WDFY3: variants seen among roughly 807,000 people sequenced by gnomAD.
WDFY3 encodes WD repeat and FYVE domain-containing protein 3.
WDFY3 carries 66 observed loss-of-function variants against 409.6 expected under a neutral mutation model. That is an observed-to-expected ratio of 0.16 (90% CI 0.13 to 0.20). The LOEUF (loss-of-function observed/expected upper bound fraction) is 0.20. Among genes scored for constraint, WDFY3 ranks in the 10% least tolerant of loss-of-function variants. WDFY3 has a pLI of 1.00. For missense variants in WDFY3, 3,031 were observed against 4,298.1 expected, an observed-to-expected ratio of 0.71 and a Z score of 8.24; for synonymous variants, 1,521 against 1,537.1, an observed-to-expected ratio of 0.99 and a Z score of 0.25.
rs150201875 is a variant in WDFY3 at position 84,752,504 on chromosome 4, G to A, written c.5740-788C>T. On this transcript the variant is annotated intron_variant, in intron 35 of 67. Transcript: ENST00000295888. ...ATCGTGCCACCATTGCACTCCAGCCGGGATGACAAGAGCGAAACCCCGTCT... is the reference window on the plus strand; with the variant it reads ...ATCGTGCCACCATTGCACTCCAGCCAGGATGACAAGAGCGAAACCCCGTCT... Among the ~76,000 whole-genome samples, 1,017 of 150,544 alleles carry A rather than the reference G, an allele frequency of 6.8e-3. 11 individuals are homozygous for A. Among genetic ancestry groups the A allele is most frequent in the African/African-American group, 0.023 (947 of 40,958 alleles).
chr4:84,846,556 T>C (rs764935103), intron 5 of WDFY3, among the ~76,000 whole-genome samples: 3 of 150,088 alleles, frequency 2.0e-5, no homozygotes, highest in Non-Finnish European at 3.0e-5. Flanking sequence ...TTTAAAAATA[T>C]AGTAACAGAG....
In WDFY3 at chr4:84,739,122, G is replaced by A; in HGVS notation, c.6465-3C>T. ...CCAGTCCAAATCCATCCACGTTGCT[G>A]AAAAATTCCAGTCAGTTTAAACTTT... On this transcript the variant is annotated splice_region_variant and splice_polypyrimidine_tract_variant and intron_variant, in intron 39 of 67. Transcript: ENST00000295888. 1 of 1,613,902 alleles carries A rather than the reference G, an allele frequency of 6.2e-7. No homozygotes were observed. The highest frequency in any genetic ancestry group is 1.1e-5 in the South Asian group (1 of 91,074).
chr4:84,715,535 G>C (rs1460266499), intron 49 of WDFY3, 152 bp from the exon 50 acceptor site: 1 of 477,942 alleles, frequency 2.1e-6, no homozygotes, highest in African/African-American at 2.0e-5. Context: ...AGCACTTTGG[G>C]AGGCCAAGGC....
In WDFY3 at chr4:84,726,799, C is replaced by A. The variant is rs528946059; in HGVS notation, c.7272+62G>T. ...GTCTACCATGCACTTAAAAAAAAAA[C>A]CAGAAAACAAAAAACAAAACTACAA... On this transcript the variant is annotated intron_variant, in intron 45 of 67. Coordinates refer to ENST00000295888, the MANE Select transcript of WDFY3 (RefSeq NM_014991.6). 867 of 1,429,750 alleles carry A rather than the reference C, an allele frequency of 6.1e-4. 2 individuals carry two copies. The African/African-American group carries it at 0.011, about 18-fold the overall frequency. 88.6% of individuals were successfully genotyped at this position (1,429,750 alleles called of 1,614,324 possible).
chr4:84,831,620 A>G lies in WDFY3; in HGVS notation c.577-15T>C, dbSNP rs779318465. ...TTCACTAAGATCTAAAAAATAAAAC[A>G]AAACAAAACAAGAGTGTATAAGCAA... On this transcript the variant is annotated splice_polypyrimidine_tract_variant and intron_variant, in intron 7 of 67. Coordinates refer to ENST00000295888, the MANE Select transcript of WDFY3 (RefSeq NM_014991.6). The G allele has an allele frequency of 1.8e-5, 28 of 1,595,128 alleles. No individual in the cohort carries two copies. The highest frequency in any genetic ancestry group is 3.4e-4 in the Middle Eastern group (2 of 5,924).
intron 43 of WDFY3, 135 bp downstream of exon 43, chr4:84,734,908 A>T: frequency 1.4e-6 from 1 of 705,986 alleles, no homozygotes; most frequent in Non-Finnish European, 2.3e-6. Flanking sequence ...TGGCAGGAAT[A>T]ATTAAAACCA....
At chr4:84,954,948 T>C (rs1435705315) in intron 1 of WDFY3, among the ~76,000 whole-genome samples, 1 of 152,194 alleles carries the variant, frequency 6.6e-6, no homozygotes, top group Non-Finnish European at 1.5e-5. Flanking sequence ...CTCGCTCCTG[T>C]AATTTTGGCA....
At chr4:84,747,792 G>C (rs781537052) in intron 36 of WDFY3, among the ~76,000 whole-genome samples, 26 of 152,088 alleles carry the variant, frequency 1.7e-4, no homozygotes, top group Non-Finnish European at 1.3e-4. Flanking sequence ...GGATGTGTTT[G>C]CTTCCCCTTC....
chr4:84,864,576 TTTGA>T (rs1363681173), intron 3 of WDFY3, among the ~76,000 whole-genome samples: 5 of 152,186 alleles, frequency 3.3e-5, no homozygotes, highest in South Asian at 2.1e-4. Context: ...CTTTCACTTC[TTTGA>T]TTAAGTTTAT....
chr4:84,935,990 C>T (rs1771354952), intron 1 of WDFY3, among the ~76,000 whole-genome samples: 1 of 152,142 alleles, frequency 6.6e-6, no homozygotes, highest in South Asian at 2.1e-4. Flanking sequence ...TTACTTCATG[C>T]TTTCCTTGCC....
intron 66 of WDFY3, among the ~76,000 whole-genome samples, chr4:84,677,967 A>G (rs1445079758): frequency 1.3e-5 from 2 of 150,256 alleles, no homozygotes; most frequent in Non-Finnish European, 3.0e-5. Flanking sequence ...GTCTCAAAAA[A>G]AAAAAAAAAA....
intron 11 of WDFY3, 49 bp downstream of exon 11, chr4:84,821,035 G>GT (rs1560844324): frequency 1.4e-6 from 2 of 1,480,020 alleles, no homozygotes; most frequent in Admixed American, 4.7e-5. Context: ...AAAATTCTCT[G>GT]TTTTGAACCC....
intron 2 of WDFY3, among the ~76,000 whole-genome samples, chr4:84,932,038 T>A (rs921102920): frequency 7.2e-5 from 11 of 152,114 alleles, no homozygotes; most frequent in African/African-American, 2.7e-4. Flanking sequence ...AAGCCAAAAT[T>A]GAAACTGAAG....
At chr4:84,951,552 A>G (rs1773612533) in intron 1 of WDFY3, among the ~76,000 whole-genome samples, 2 of 152,240 alleles carry the variant, frequency 1.3e-5, no homozygotes, top group Admixed American at 6.5e-5. Flanking sequence ...ACTTAGAAGT[A>G]TGATATATAT....
chr4:84,796,701 A>G lies in WDFY3; in HGVS notation c.2987T>C (p.Leu996Ser). ...EGLGTDNVFS[L>S]HEDNHYRISK... The stretch of plus-strand genomic sequence containing the variant: ...TATCCGGTAATGGTTATCTTCATGT[A>G]AGCTAAAAACATTATCAGTACCCAG... The change falls in exon 19 of 68, where the codon TTA (leucine) becomes TCA (serine). Residue 996 changes from leucine (L) to serine (S), a missense_variant. Physicochemically the swap from Leu to Ser is moderately radical, Grantham distance 145. Coordinates refer to ENST00000295888, the MANE Select transcript of WDFY3 (RefSeq NM_014991.6). The G allele has an allele frequency of 6.2e-7, 1 of 1,614,136 alleles. No homozygotes were observed. Among genetic ancestry groups the G allele is most frequent in the Non-Finnish European group, 8.5e-7 (1 of 1,180,014 alleles).
At chr4:84,772,776 G>T in intron 30 of WDFY3, 59 bp downstream of exon 30, 1 of 1,397,684 alleles carries the variant, frequency 7.2e-7, no homozygotes, top group Non-Finnish European at 9.9e-7. Flanking sequence ...TGGGCCAGAA[G>T]AAAAAAGGCA....
chr4:84,864,268 C>T (rs1166287097), intron 3 of WDFY3, among the ~76,000 whole-genome samples: 6 of 148,996 alleles, frequency 4.0e-5, no homozygotes, highest in Non-Finnish European at 7.4e-5. Flanking sequence ...CTCAGGAGGC[C>T]GAGGCAGGGA....
intron 3 of WDFY3, among the ~76,000 whole-genome samples, chr4:84,874,102 C>A (rs1762465894): frequency 6.6e-6 from 1 of 151,476 alleles, no homozygotes; most frequent in Non-Finnish European, 1.5e-5. Flanking sequence ...TCTTACAGCT[C>A]CTAAGTTATC....
intron 50 of WDFY3, among the ~76,000 whole-genome samples, chr4:84,714,807 G>A (rs1051014496): frequency 1.5e-4 from 23 of 151,984 alleles, no homozygotes; most frequent in African/African-American, 4.6e-4. Context: ...AAAATAAGCC[G>A]GGGATGGTGG....
Sources: allele counts gnomAD v4.1 joint callset (sites outside exome capture counted in the v4.1 genomes callset), GRCh38; gene constraint gnomAD v4.1.1; transcripts MANE v1.5; gene names NCBI Gene and HGNC (gene_info 2026-07-23, HGNC 2026-07-21).